The following SRPRA variants were observed in gnomAD, a reference collection of about 807,000 sequenced individuals.
The protein encoded by SRPRA is SRP receptor subunit alpha.
A neutral mutation model predicts 61.1 loss-of-function variants in SRPRA; 30 were observed. That is an observed-to-expected ratio of 0.49 (90% CI 0.37 to 0.67). The LOEUF (loss-of-function observed/expected upper bound fraction) is 0.67. Ranked by LOEUF, SRPRA falls within the 30% of genes least tolerant of loss-of-function variation. The probability of loss-of-function intolerance (pLI) is 0.00; values close to 1 mark genes in which losing one functional copy is unlikely to be tolerated. For missense variants in SRPRA, 759 were observed against 828.4 expected (o/e 0.92, Z 1.03); for synonymous variants, 324 against 299.7 (o/e 1.08, Z -0.84).
intron 6 of SRPRA, 61 bp from the exon 7 acceptor site, chr11:126,266,339 C>A: frequency 6.3e-7 from 1 of 1,598,396 alleles, no homozygotes; most frequent in Non-Finnish European, 8.6e-7. Flanking sequence ...GGAAAACGTC[C>A]ACATTGCTCT....
the SRPRA span, among the ~76,000 whole-genome samples, chr11:126,254,766 T>C: frequency 2.0e-5 from 3 of 152,154 alleles, no homozygotes; most frequent in Non-Finnish European, 2.9e-5. Flanking sequence ...TATAAGGCTG[T>C]AGTGAGCTGT....
At chr11:126,236,168 C>T in the SRPRA span, among the ~76,000 whole-genome samples, 1 of 152,172 alleles carries the variant, frequency 6.6e-6, no homozygotes, top group Non-Finnish European at 1.5e-5. Context: ...TTACATCTCT[C>T]CTGTATCGAT....
Position 126,266,758 on chromosome 11 carries a change from C to T in SRPRA, c.686+5G>A. 1 of 1,613,698 alleles carries T rather than the reference C, an allele frequency of 6.2e-7. No homozygotes were observed. The highest frequency in any genetic ancestry group is 8.5e-7 in the Non-Finnish European group (1 of 1,179,772). On this transcript the variant is annotated splice_donor_5th_base_variant and intron_variant, in intron 5 of 13. Coordinates refer to ENST00000332118, the MANE Select transcript of SRPRA (RefSeq NM_003139.4). ...TTTTGAGAGTACTGGAGAAAGAGTG[C>T]TCACTTGGACTTCTCCATACCCCTC...
At chr11:126,240,262 C>G in the SRPRA span, among the ~76,000 whole-genome samples, 1 of 151,074 alleles carries the variant, frequency 6.6e-6, no homozygotes, top group Non-Finnish European at 1.5e-5. Flanking sequence ...ATTCTATTGG[C>G]CACTTTTTTT....
At chr11:126,261,950 CAA>C (rs1950710014), downstream of SRPRA, among the ~76,000 whole-genome samples, 1 of 152,186 alleles carries the variant, frequency 6.6e-6, no homozygotes, top group African/African-American at 2.4e-5. Flanking sequence ...GCCTGGGTGA[CAA>C]AGACCTTGTC....
chr11:126,267,447 A>G lies in SRPRA; in HGVS notation c.365+102T>C. On this transcript the variant is annotated intron_variant, in intron 3 of 13. Coordinates refer to ENST00000332118, the MANE Select transcript of SRPRA (RefSeq NM_003139.4). This position sits in a 1 kb window ranked among gnomAD's most constrained non-coding sequence, Gnocchi z 4.2. Reference sequence around the variant, plus strand: ...GACAATGAGAACTGGGTAGCAAATTAGGAATGTCTTTGAACACATCAATTT... The same window carrying G: ...GACAATGAGAACTGGGTAGCAAATTGGGAATGTCTTTGAACACATCAATTT... 1 of 1,583,344 alleles carries G rather than the reference A, an allele frequency of 6.3e-7. No individual in the cohort carries two copies. The highest frequency in any genetic ancestry group is 8.6e-7 in the Non-Finnish European group (1 of 1,162,266).
chr11:126,261,877 G>A (rs577312624), downstream of SRPRA, among the ~76,000 whole-genome samples: 21 of 151,932 alleles, frequency 1.4e-4, no homozygotes, highest in South Asian at 3.5e-3. Flanking sequence ...CTATAGTCCC[G>A]GCTACTGGCT....
Position 126,265,644 on chromosome 11 carries a change from A to G in SRPRA, c.1138+93T>C. On this transcript the variant is annotated intron_variant, in intron 9 of 13. Transcript: ENST00000332118. The surrounding 1 kb of genome is among the most constrained non-coding windows in gnomAD (Gnocchi z 6.3). ...TCTAGGTTACAGAGGTTTAGAGGTT[A>G]AGGAATTTGCCGAAAGTCACATACC... 1.4e-6 allele frequency: 2 copies of G among 1,415,738 alleles called. No individual in the cohort carries two copies. The highest frequency in any genetic ancestry group is 9.9e-7 in the Non-Finnish European group (1 of 1,013,250). 87.7% of individuals were successfully genotyped at this position (1,415,738 alleles called of 1,614,324 possible).
At position 126,268,285 on chromosome 11, in the gene SRPRA, G is replaced by A. The variant is rs937694128; in HGVS notation, c.118-199C>T. Among the ~76,000 whole-genome samples, 44 of 152,334 alleles carry A rather than the reference G, an allele frequency of 2.9e-4. 1 individual carries two copies. The highest frequency in any genetic ancestry group is 2.0e-3 in the Admixed American group (30 of 15,310). ...ACCAAGTTGGGGGAAAAAGATGAGA[G>A]AGAGAGCAAGACACATGGGAGCCAA... On this transcript the variant is annotated intron_variant, in intron 1 of 13. Coordinates refer to ENST00000332118, the MANE Select transcript of SRPRA (RefSeq NM_003139.4).
At chr11:126,241,201 G>A in the SRPRA span, 1 of 706,202 alleles carries the variant, frequency 1.4e-6, no homozygotes, top group Non-Finnish European at 2.3e-6. Flanking sequence ...TCTGCGCAAT[G>A]TCTGTTTATG....
At chr11:126,261,833 A>T (rs979324539), downstream of SRPRA, among the ~76,000 whole-genome samples, 10 of 152,112 alleles carry the variant, frequency 6.6e-5, no homozygotes, top group East Asian at 3.9e-4. Flanking sequence ...TACAAAAAAA[A>T]TTTTTTTAAA....
the SRPRA span, among the ~76,000 whole-genome samples, chr11:126,239,873 T>A: frequency 2.0e-5 from 3 of 152,142 alleles, no homozygotes; most frequent in African/African-American, 7.2e-5. Flanking sequence ...GAAAGCAGTT[T>A]TAGAGGCTGT....
At position 126,265,502 on chromosome 11, in the gene SRPRA, T is replaced by G; in HGVS notation, c.1139-62A>C. ...CTCAAGGAATGCTCTCAAAAATGCC[T>G]AACACCTTTCTGAGCTAAGGGGACT... On this transcript the variant is annotated intron_variant, in intron 9 of 13. Coordinates refer to ENST00000332118, the MANE Select transcript of SRPRA (RefSeq NM_003139.4). The surrounding 1 kb of genome is among the most constrained non-coding windows in gnomAD (Gnocchi z 6.3). 1.3e-6 allele frequency: 2 copies of G among 1,558,806 alleles called. No homozygotes were observed. The highest frequency in any genetic ancestry group is 1.7e-6 in the Non-Finnish European group (2 of 1,148,654).
At chr11:126,247,437 TC>T in the SRPRA span, among the ~76,000 whole-genome samples, 1 of 152,128 alleles carries the variant, frequency 6.6e-6, no homozygotes, top group Non-Finnish European at 1.5e-5. Context: ...TGGATTTTTT[TC>T]CCCCCAGGTT....
At chr11:126,241,950 G>A in the SRPRA span, among the ~76,000 whole-genome samples, 8 of 150,938 alleles carry the variant, frequency 5.3e-5, no homozygotes, top group African/African-American at 9.7e-5. Context: ...GCTTGAACCC[G>A]GGAGGTGGAG....
chr11:126,268,700 G>T lies in SRPRA; in HGVS notation c.105C>A (p.Ser35=), dbSNP rs1225225039. The change falls in exon 1 of 14, where the codon TCC becomes TCA. Residue 35 remains serine (S), a synonymous_variant. Coordinates refer to ENST00000332118, the MANE Select transcript of SRPRA (RefSeq NM_003139.4). ...ACGGGGACGGTACCTGCAGCAGCAC[G>T]GAACGAATCAACGCGTTAACGGGTC... ...CTGPVNALIR[S]VLLQERGGNN... is the part of the protein sequence containing the mutation. 2 of 1,613,594 alleles carry T rather than the reference G, an allele frequency of 1.2e-6. No homozygotes were observed. Among genetic ancestry groups the T allele is most frequent in the Admixed American group, 1.7e-5 (1 of 60,026 alleles).
At chr11:126,253,471 G>A in the SRPRA span, among the ~76,000 whole-genome samples, 17 of 152,250 alleles carry the variant, frequency 1.1e-4, no homozygotes, top group Admixed American at 4.6e-4. This position sits in a 1 kb window ranked among gnomAD's most constrained non-coding sequence, Gnocchi z 5.1. Context: ...ATTGTTCTTC[G>A]CTGGCAGCCT....
At chr11:126,250,718 T>C in the SRPRA span, 1 of 1,612,758 alleles carries the variant, frequency 6.2e-7, no homozygotes, top group Admixed American at 1.7e-5. The surrounding 1 kb of genome is among the most constrained non-coding windows in gnomAD (Gnocchi z 5.1). Context: ...CCCTTGACCT[T>C]ACTGATGAGA....
At chr11:126,252,393 A>G in the SRPRA span, among the ~76,000 whole-genome samples, 1 of 152,146 alleles carries the variant, frequency 6.6e-6, no homozygotes, top group Non-Finnish European at 1.5e-5. The surrounding 1 kb of genome is among the most constrained non-coding windows in gnomAD (Gnocchi z 4.7). Flanking sequence ...TCATAACTCA[A>G]ATACAACCCT....
Sources: gnomAD v4.1 joint callset for allele counts (sites outside exome capture counted in the v4.1 genomes callset) on GRCh38, gnomAD v4.1.1 for gene constraint, Gnocchi (gnomAD v3.1) non-coding constraint, MANE v1.5 for transcripts, NCBI Gene and HGNC (gene_info 2026-07-23, HGNC 2026-07-21) for gene names.